Variants in ANKIB1 observed in about 807,000 individuals in gnomAD.
ANKIB1 encodes ankyrin repeat and IBR domain-containing protein 1.
Under a neutral mutation model 122.1 loss-of-function variants are expected in ANKIB1, and 43 were observed. The ratio of observed to expected loss-of-function variants is 0.35; its 90% CI spans 0.28 to 0.45. ANKIB1 has a LOEUF of 0.45. Ranked by LOEUF, ANKIB1 falls within the 20% of genes least tolerant of loss-of-function variation. The probability of loss-of-function intolerance (pLI) is 1.00; values close to 1 mark genes in which losing one functional copy is unlikely to be tolerated. For missense variants in ANKIB1, 992 were observed against 1,329.5 expected (o/e 0.75, Z 3.95); for synonymous variants, 390 against 442.0 (o/e 0.88, Z 1.48).
At chr7:92,337,490 T>C (rs1335807920) in intron 5 of ANKIB1, among the ~76,000 whole-genome samples, 1 of 152,210 alleles carries the variant, frequency 6.6e-6, no homozygotes, top group Non-Finnish European at 1.5e-5. Context: ...ATTGGTATTA[T>C]AAATTTCTTT....
intron 15 of ANKIB1, 150 bp downstream of exon 15, chr7:92,390,266 A>C: frequency 1.5e-6 from 1 of 682,362 alleles, no homozygotes; most frequent in Non-Finnish European, 2.2e-6. Flanking sequence ...ATAAAGGAAA[A>C]GTTACCAGTA....
intron 7 of ANKIB1, among the ~76,000 whole-genome samples, chr7:92,348,385 CTTT>C (rs563453600): frequency 7.4e-5 from 10 of 134,438 alleles, no homozygotes; most frequent in Non-Finnish European, 6.4e-5. Flanking sequence ...GTCTTTAAGA[CTTT>C]TTTTTTTTTT....
At chr7:92,396,194 T>C in intron 17 of ANKIB1, 171 bp from the exon 18 acceptor site, 1 of 600,676 alleles carries the variant, frequency 1.7e-6, no homozygotes, top group Non-Finnish European at 2.9e-6. Flanking sequence ...TTTTCCATTT[T>C]ACCTTTTGTG....
At position 92,361,924 on chromosome 7, in the gene ANKIB1, G is replaced by A. The variant is rs370234882; in HGVS notation, c.1398-261G>A. ...TCCCAGGTTCAAGCGTTTCTCCTGC[G>A]TCAGCCTCCTGAGTAGCTGGGATTA... is the stretch of plus-strand genomic sequence containing the variant. On this transcript the variant is annotated intron_variant, in intron 9 of 19. Coordinates refer to ENST00000265742, the MANE Select transcript of ANKIB1 (RefSeq NM_019004.2). Among the ~76,000 whole-genome samples, 965 of 151,836 alleles carry A rather than the reference G, an allele frequency of 6.4e-3. 9 individuals are homozygous for A. Among genetic ancestry groups the A allele is most frequent in the Non-Finnish European group, 0.011 (729 of 67,948 alleles).
intron 1 of ANKIB1, among the ~76,000 whole-genome samples, chr7:92,255,299 A>C (rs187646801): frequency 4.3e-4 from 65 of 152,338 alleles, no homozygotes; most frequent in Admixed American, 1.1e-3. Context: ...CTAATCAAAT[A>C]GTAATCATGT....
At chr7:92,334,464 C>G (rs1803243666) in intron 5 of ANKIB1, among the ~76,000 whole-genome samples, 1 of 151,828 alleles carries the variant, frequency 6.6e-6, no homozygotes, top group South Asian at 2.1e-4. Context: ...CAGACAGATT[C>G]TAGAAAATTA....
intron 7 of ANKIB1, among the ~76,000 whole-genome samples, 180 bp from the exon 8 acceptor site, chr7:92,350,770 T>C (rs2131983764): frequency 6.6e-6 from 1 of 152,214 alleles, no homozygotes; most frequent in Admixed American, 6.5e-5. Flanking sequence ...GGTGAGAGGA[T>C]TGCTTCAGCC....
At chr7:92,364,310 T>TAAAAAAA (rs762884822) in intron 10 of ANKIB1, among the ~76,000 whole-genome samples, 1 of 33,526 alleles carries the variant, frequency 3.0e-5, no homozygotes, top group Non-Finnish European at 6.2e-5. Context: ...AGACTCCATC[T>TAAAAAAA]AAAAAAAAAA....
intron 5 of ANKIB1, among the ~76,000 whole-genome samples, chr7:92,328,499 C>T (rs529008654): frequency 6.6e-6 from 1 of 152,082 alleles, no homozygotes; most frequent in African/African-American, 2.4e-5. Context: ...AGTTTAAGTT[C>T]CCTATAATCC....
chr7:92,257,420 G>A (rs966898362), intron 1 of ANKIB1, among the ~76,000 whole-genome samples: 1 of 152,156 alleles, frequency 6.6e-6, no homozygotes, highest in African/African-American at 2.4e-5. Flanking sequence ...AAAAGGGCAT[G>A]CACTACTGCC....
intron 1 of ANKIB1, among the ~76,000 whole-genome samples, chr7:92,291,567 C>CTT (rs1188174295): frequency 0.077 from 8,909 of 116,364 alleles, 461 homozygotes; most frequent in East Asian, 0.31. Context: ...TTTTCTTTTT[C>CTT]TTTTTTTTTT....
At chr7:92,341,676 T>C (rs1803443545) in intron 5 of ANKIB1, among the ~76,000 whole-genome samples, 1 of 152,218 alleles carries the variant, frequency 6.6e-6, no homozygotes, top group Non-Finnish European at 1.5e-5. Flanking sequence ...TATGATATTC[T>C]ACCTATGTAA....
At chr7:92,337,578 C>T (rs1220787120) in intron 5 of ANKIB1, among the ~76,000 whole-genome samples, 1 of 152,040 alleles carries the variant, frequency 6.6e-6, no homozygotes, top group African/African-American at 2.4e-5. Context: ...TATTTCATTT[C>T]CTATTAATGA....
At chr7:92,363,282 G>A (rs191721401) in intron 10 of ANKIB1, among the ~76,000 whole-genome samples, 1,562 of 152,114 alleles carry the variant, frequency 0.01, 14 homozygotes, top group Non-Finnish European at 0.012. Flanking sequence ...GTGGTGGCAC[G>A]TGCCTGTAGT....
chr7:92,291,391 A>G (rs1388309381), intron 1 of ANKIB1, among the ~76,000 whole-genome samples: 1 of 152,108 alleles, frequency 6.6e-6, no homozygotes, highest in Non-Finnish European at 1.5e-5. Flanking sequence ...ATTATTATGC[A>G]TTGCATGCCT....
intron 1 of ANKIB1, among the ~76,000 whole-genome samples, chr7:92,288,015 G>A (rs1247190214): frequency 7.2e-4 from 91 of 125,920 alleles, no homozygotes; most frequent in African/African-American, 2.8e-3. Flanking sequence ...CAGCCTGGGC[G>A]ACAGAGCAAG....
chr7:92,346,226 T>C (rs1430214511), intron 7 of ANKIB1, among the ~76,000 whole-genome samples: 1 of 152,002 alleles, frequency 6.6e-6, no homozygotes, highest in Admixed American at 6.6e-5. Context: ...CTTCCCGGGT[T>C]CAAGCGATTC....
rs1192819008 is a variant in ANKIB1, at chr7:92,398,841, A to AGCTG, written c.3164_3167dup (p.Asp1057TrpfsTer2). On this transcript the variant is annotated frameshift_variant, in exon 20 of 20. Transcript: ENST00000265742. LOFTEE classifies it high-confidence loss of function. Reference sequence around the variant, plus strand: ...TTCTGGCGGGGGAAGCAGCATCTCAAGCTGGTGACAGTGGTAACGAGGCAG... The same window carrying AGCTG: ...TTCTGGCGGGGGAAGCAGCATCTCAAGCTGGCTGGTGACAGTGGTAACGAGGCAG... The AGCTG allele has an allele frequency of 2.5e-6, 4 of 1,604,416 alleles. No individual in the cohort carries two copies. The highest frequency in any genetic ancestry group is 2.6e-6 in the Non-Finnish European group (3 of 1,175,172).
chr7:92,396,288 A>AAAC, intron 17 of ANKIB1, 77 bp from the exon 18 acceptor site: 2 of 813,810 alleles, frequency 2.5e-6, no homozygotes, highest in Non-Finnish European at 2.0e-6. Context: ...TCCCCTGGAA[A>AAAC]AAAGTGTGTA....
Sources: allele counts gnomAD v4.1 joint callset (sites outside exome capture counted in the v4.1 genomes callset), GRCh38; gene constraint gnomAD v4.1.1; transcripts MANE v1.5; gene names NCBI Gene and HGNC (gene_info 2026-07-23, HGNC 2026-07-21).